CST5: variants seen among roughly 807,000 people sequenced by gnomAD.
CST5 encodes the protein cystatin-D.
In CST5, 13 loss-of-function variants were observed where a neutral mutation model predicts 11.5. The ratio of observed to expected loss-of-function variants is 1.13; its 90% CI spans 0.73 to 1.79. The LOEUF is 1.79. Among genes scored for constraint, CST5 ranks in the 40% most tolerant of loss-of-function variants. The pLI, the probability that CST5 is intolerant of heterozygous loss-of-function variation, is 0.00. For missense variants in CST5, 219 were observed against 174.5 expected (o/e 1.25, Z -1.44); for synonymous variants, 81 against 67.6 (o/e 1.20, Z -0.97).
chr20:23,877,651 G>C (rs1220345836), intron 1 of CST5, 33 bp from the exon 2 acceptor site: 2 of 1,540,308 alleles, frequency 1.3e-6, no homozygotes, highest in Non-Finnish European at 1.8e-6. Context: ...AGCAGGGGCA[G>C]CATGCTGTCA....
At position 23,876,242 on chromosome 20, in the gene CST5, T is replaced by A; in HGVS notation, c.375A>T (p.Glu125Asp). 2 of 1,613,780 alleles carry A rather than the reference T, an allele frequency of 1.2e-6. No homozygotes were observed. The highest frequency in any genetic ancestry group is 1.7e-6 in the Non-Finnish European group (2 of 1,179,706). Residue 125 changes from glutamate to aspartate, a missense_variant, in exon 3 of 3, where the codon GAA becomes GAT. Glu to Asp is a conservative substitution (Grantham distance 45, BLOSUM62 2). Coordinates refer to ENST00000304710, the MANE Select transcript of CST5 (RefSeq NM_001900.5). ...TGGAAATTTTATCCTCCCAGGGAACTTCATTGATCTGGAAAGAGCAGAACT... is the reference window on the plus strand; with the variant it reads ...TGGAAATTTTATCCTCCCAGGGAACATCATTGATCTGGAAAGAGCAGAACT... ...EEEFCSFQIN[E>D]VPWEDKISIL...
At chr20:23,876,981 A>G (rs1985976374) in intron 2 of CST5, among the ~76,000 whole-genome samples, 1 of 152,176 alleles carries the variant, frequency 6.6e-6, no homozygotes, top group Non-Finnish European at 1.5e-5. Flanking sequence ...TTGACCTCCC[A>G]GTAACCATTA....
Position 23,877,590 on chromosome 20 carries a change from T to C in CST5, c.260A>G (p.Asn87Ser), listed in dbSNP as rs371135852. Residue 87 changes from asparagine to serine, a missense_variant, in exon 2 of 3, where the codon AAT (asparagine) becomes AGT (serine). Physicochemically the swap from Asn to Ser is conservative, Grantham distance 46. Coordinates refer to ENST00000304710, the MANE Select transcript of CST5 (RefSeq NM_001900.5). ...QIVGGVNYYF[N>S]VKFGRTTCTK... ...GCATGTGGTTCGACCGAACTTCACATTGAAGTAGTAGTTCACCCCACCCAC... is the reference window on the plus strand; with the variant it reads ...GCATGTGGTTCGACCGAACTTCACACTGAAGTAGTAGTTCACCCCACCCAC... 2.7e-5 allele frequency: 43 copies of C among 1,613,358 alleles called. No individual in the cohort carries two copies. Among genetic ancestry groups the C allele is most frequent in the Non-Finnish European group, 3.4e-5 (40 of 1,179,786 alleles).
intron 1 of CST5, among the ~76,000 whole-genome samples, chr20:23,878,428 G>T (rs531629236): frequency 6.6e-6 from 1 of 152,304 alleles, no homozygotes; most frequent in Non-Finnish European, 1.5e-5. Flanking sequence ...GAGGGACCCT[G>T]GGACCAGGGT....
Position 23,877,629 on chromosome 20 carries a change from G to T in CST5, c.232-11C>A. The T allele has an allele frequency of 6.2e-7, 1 of 1,600,878 alleles. No homozygotes were observed. Among genetic ancestry groups the T allele is most frequent in the Non-Finnish European group, 8.5e-7 (1 of 1,170,230 alleles). On this transcript the variant is annotated splice_polypyrimidine_tract_variant and intron_variant, in intron 1 of 2. Coordinates refer to ENST00000304710, the MANE Select transcript of CST5 (RefSeq NM_001900.5). ...CACCCCACCCACGATCTACACGCGT[G>T]GAAGAGCAGGAAGCAGGGGCAGCAT... is the stretch of plus-strand genomic sequence containing the variant.
Position 23,876,153 on chromosome 20 carries a change from G to A in CST5, c.*35C>T, listed in dbSNP as rs764980756. The A allele has an allele frequency of 6.4e-7, 1 of 1,555,390 alleles. No homozygotes were observed. The highest frequency in any genetic ancestry group is 8.9e-7 in the Non-Finnish European group (1 of 1,127,604). ...GGGAGCACTACAGGGGGTGGGAGTAGGAGGTGGTCAGTGTGACAGGCCTTG... is the reference window on the plus strand; with the variant it reads ...GGGAGCACTACAGGGGGTGGGAGTAAGAGGTGGTCAGTGTGACAGGCCTTG... On this transcript the variant is annotated 3_prime_UTR_variant, in exon 3 of 3. Transcript: ENST00000304710.
intron 1 of CST5, 34 bp from the exon 2 acceptor site, chr20:23,877,652 C>T (rs1301334285): frequency 1.3e-6 from 2 of 1,555,798 alleles, no homozygotes; most frequent in South Asian, 1.1e-5. Context: ...GCAGGGGCAG[C>T]ATGCTGTCAG....
intron 1 of CST5, among the ~76,000 whole-genome samples, chr20:23,878,022 C>T (rs1280909801): frequency 6.6e-6 from 1 of 152,176 alleles, no homozygotes; most frequent in African/African-American, 2.4e-5. Context: ...TGCTCTTTCC[C>T]ACAGCAAAGG....
In CST5 at chr20:23,876,111, G is replaced by T. The variant is rs1260729884; in HGVS notation, c.*77C>A. 1 of 1,207,460 alleles carries T rather than the reference G, an allele frequency of 8.3e-7. No homozygotes were observed. The highest frequency in any genetic ancestry group is 2.4e-5 in the East Asian group (1 of 42,098). 74.8% of individuals were successfully genotyped at this position (1,207,460 alleles called of 1,614,324 possible). On this transcript the variant is annotated 3_prime_UTR_variant, in exon 3 of 3. Transcript: ENST00000304710. The stretch of plus-strand genomic sequence containing the variant: ...TGAGGAGACCTCCCCCAGGGTGGGG[G>T]CCACCAGTCCAGGGGTGGGAGCACT...
Position 23,879,576 on chromosome 20 carries a change from A to G in CST5, c.101T>C (p.Ile34Thr), listed in dbSNP as rs547813815. 1.2e-5 allele frequency: 20 copies of G among 1,613,924 alleles called. No homozygotes were observed. The highest frequency in any genetic ancestry group is 1.0e-4 in the Admixed American group (6 of 59,992). The change falls in exon 1 of 3, where the codon ATC becomes ACC. Residue 34 changes from isoleucine to threonine, a missense_variant. By Grantham distance (89) the Ile-to-Thr change is moderately conservative. Transcript: ENST00000304710. ...CTTGTCATTGAGGTCTGTGGCATGG[A>G]TGCCACCTGCCAAGGTCCTAGATTG... is the stretch of plus-strand genomic sequence containing the variant. ...SAQSRTLAGG[I>T]HATDLNDKSV...
chr20:23,877,333 A>G, intron 2 of CST5, among the ~76,000 whole-genome samples, 172 bp downstream of exon 2: 1 of 152,210 alleles, frequency 6.6e-6, no homozygotes, highest in Admixed American at 6.5e-5. Flanking sequence ...GCATCCTCCC[A>G]TGCACATGAA....
At chr20:23,876,382 C>T in intron 2 of CST5, 111 bp from the exon 3 acceptor site, 1 of 794,918 alleles carries the variant, frequency 1.3e-6, no homozygotes, top group Non-Finnish European at 2.1e-6. Context: ...TGAGACACTG[C>T]CCCCTGACCC....
rs747015475 is a variant in CST5 at position 23,877,596 on chromosome 20, T to C, written c.254A>G (p.Tyr85Cys). The C allele has an allele frequency of 1.6e-5, 24 of 1,506,318 alleles. No individual in the cohort carries two copies. In the African/African-American group the frequency reaches 4.2e-4, roughly 26 times the overall value. The allele number at this position is 1,506,318 out of a possible 1,614,324, so 93.3% of individuals were successfully genotyped here. Residue 85 changes from tyrosine to cysteine, a missense_variant, in exon 2 of 3, where the codon TAC becomes TGC. Transcript: ENST00000304710. ...GGTTCGACCGAACTTCACATTGAAGTAGTAGTTCACCCCACCCACGATCTA... is the reference window on the plus strand; with the variant it reads ...GGTTCGACCGAACTTCACATTGAAGCAGTAGTTCACCCCACCCACGATCTA... Reference protein sequence around the residue: ...YQQIVGGVNYYFNVKFGRTTC... With the variant: ...YQQIVGGVNYCFNVKFGRTTC...
At chr20:23,876,775 G>A (rs1032188622) in intron 2 of CST5, among the ~76,000 whole-genome samples, 36 of 152,334 alleles carry the variant, frequency 2.4e-4, no homozygotes, top group African/African-American at 8.7e-4. Flanking sequence ...TGGAGAGGCT[G>A]ATGTTGGGTG....
chr20:23,878,063 G>T (rs1986001966), intron 1 of CST5, among the ~76,000 whole-genome samples: 1 of 152,252 alleles, frequency 6.6e-6, no homozygotes, highest in Non-Finnish European at 1.5e-5. Flanking sequence ...TGTGCTCAGG[G>T]GGCAGGGACA....
intron 1 of CST5, 71 bp downstream of exon 1, chr20:23,879,375 G>T (rs1288608134): frequency 6.5e-6 from 7 of 1,079,810 alleles, no homozygotes; most frequent in Non-Finnish European, 5.7e-6. Flanking sequence ...TGATTTGCTG[G>T]GAGTGCTCTG....
At position 23,879,652 on chromosome 20, in the gene CST5, G is replaced by A; in HGVS notation, c.25C>T (p.Leu9=). Residue 9 remains leucine (L), a synonymous_variant, in exon 1 of 3, where the codon CTG becomes TTG. Coordinates refer to ENST00000304710, the MANE Select transcript of CST5 (RefSeq NM_001900.5). ...ACCATCAAGGCAGTCAGCAGCAGCA[G>A]TGGGGTGTGCATGGGCCACATCATG... MMWPMHTP[L]LLLTALMVAV... The A allele has an allele frequency of 6.2e-7, 1 of 1,614,036 alleles. No individual in the cohort carries two copies. The highest frequency in any genetic ancestry group is 8.5e-7 in the Non-Finnish European group (1 of 1,179,948).
At chr20:23,876,595 C>T (rs1261032242) in intron 2 of CST5, among the ~76,000 whole-genome samples, 1 of 152,214 alleles carries the variant, frequency 6.6e-6, no homozygotes, top group Non-Finnish European at 1.5e-5. Flanking sequence ...AGGCAGCTCA[C>T]TGCCTCCAGC....
Position 23,877,599 on chromosome 20 carries a change from T to C in CST5, c.251A>G (p.Tyr84Cys). ...AYQQIVGGVN[Y>C]YFNVKFGRTT... ...TCGACCGAACTTCACATTGAAGTAG[T>C]AGTTCACCCCACCCACGATCTACAC... Residue 84 changes from tyrosine (Y) to cysteine (C), a missense_variant, in exon 2 of 3, where the codon TAC becomes TGC. Physicochemically the swap from Tyr to Cys is radical, Grantham distance 194. Coordinates refer to ENST00000304710, the MANE Select transcript of CST5 (RefSeq NM_001900.5). 1 of 1,454,710 alleles carries C rather than the reference T, an allele frequency of 6.9e-7. No homozygotes were observed. The highest frequency in any genetic ancestry group is 9.1e-7 in the Non-Finnish European group (1 of 1,102,394). 90.1% of individuals were successfully genotyped at this position (1,454,710 alleles called of 1,614,324 possible). A position where few individuals can be genotyped will look rare whatever the true frequency, so the allele number is the denominator to read the frequency against.
Sources: gnomAD v4.1 joint callset for allele counts (sites outside exome capture counted in the v4.1 genomes callset) on GRCh38, gnomAD v4.1.1 for gene constraint, MANE v1.5 for transcripts, NCBI Gene and HGNC (gene_info 2026-07-23, HGNC 2026-07-21) for gene names.